ABCA5: variants seen among roughly 807,000 people sequenced by gnomAD.
ABCA5 encodes the protein ATP binding cassette subfamily A member 5.
Under a neutral mutation model 206.0 loss-of-function variants are expected in ABCA5, and 163 were observed. The ratio of observed to expected loss-of-function variants is 0.79; its 90% CI spans 0.70 to 0.90. The LOEUF (loss-of-function observed/expected upper bound fraction) is 0.90. Ranked by LOEUF, ABCA5 falls within the 40% of genes least tolerant of loss-of-function variation. The probability of loss-of-function intolerance (pLI) is 0.00; values close to 1 mark genes in which losing one functional copy is unlikely to be tolerated. For synonymous variants in ABCA5, 609 were observed against 613.8 expected (o/e 0.99, Z 0.11); for missense variants, 1,859 against 1,912.9 (o/e 0.97, Z 0.53).
Position 69,285,937 on chromosome 17 carries a change from C to T in ABCA5, c.2233G>A (p.Val745Met). ...ATGTCCTTGAAAGGCAAGCTATACA[C>T]AAGTTGTTGGTCATTCTGTTGTAAT... ...TLLQQNDQQLVYSLPFKDMDK... is the reference protein window; with the variant it reads ...TLLQQNDQQLMYSLPFKDMDK... Residue 745 changes from valine to methionine, a missense_variant, in exon 17 of 39, where the codon GTG becomes ATG. Physicochemically the swap from Val to Met is conservative, Grantham distance 21 (BLOSUM62 1). Coordinates refer to ENST00000392676, the MANE Select transcript of ABCA5 (RefSeq NM_172232.4). The T allele has an allele frequency of 6.2e-7, 1 of 1,613,070 alleles. No homozygotes were observed. The highest frequency in any genetic ancestry group is 8.5e-7 in the Non-Finnish European group (1 of 1,179,478).
At chr17:69,256,085 C>T in intron 29 of ABCA5, 72 bp downstream of exon 29, 3 of 1,452,576 alleles carry the variant, frequency 2.1e-6, no homozygotes, top group Non-Finnish European at 1.8e-6. Context: ...AAATATTTTT[C>T]AGATTAATTT....
At chr17:69,293,170 C>CACACAA (rs1483912304) in intron 11 of ABCA5, among the ~76,000 whole-genome samples, 1 of 151,894 alleles carries the variant, frequency 6.6e-6, no homozygotes. Flanking sequence ...AGAATACACA[C>CACACAA]ACACACACAC....
rs564785556 is a variant in ABCA5, at chr17:69,250,712, T to C, written c.4536-91A>G. ...CATATAACTACATTTTAAAAAAATATACCTTTATATTTAGAGAAAAATTAC... is the reference window on the plus strand; with the variant it reads ...CATATAACTACATTTTAAAAAAATACACCTTTATATTTAGAGAAAAATTAC... On this transcript the variant is annotated intron_variant, in intron 35 of 38. Coordinates refer to ENST00000392676, the MANE Select transcript of ABCA5 (RefSeq NM_172232.4). 3,066 of 913,820 alleles carry C rather than the reference T, an allele frequency of 3.4e-3. 12 individuals carry two copies. Among genetic ancestry groups the C allele is most frequent in the Non-Finnish European group, 4.4e-3 (2,838 of 642,440 alleles). The allele number at this position is 913,820 out of a possible 1,614,324, so 56.6% of individuals were successfully genotyped here.
intron 18 of ABCA5, among the ~76,000 whole-genome samples, chr17:69,278,638 T>C (rs1034019922): frequency 6.6e-6 from 1 of 152,246 alleles, no homozygotes; most frequent in Non-Finnish European, 1.5e-5. Flanking sequence ...TTCAGTAGTG[T>C]GAATAAGGTA....
chr17:69,310,010 T>A (rs1329212086), intron 3 of ABCA5, among the ~76,000 whole-genome samples: 2 of 152,234 alleles, frequency 1.3e-5, no homozygotes, highest in East Asian at 3.8e-4. Flanking sequence ...GCAGAACTCA[T>A]ATTTCTTCAA....
At chr17:69,265,608 A>T (rs2075199171) in intron 23 of ABCA5, among the ~76,000 whole-genome samples, 1 of 152,130 alleles carries the variant, frequency 6.6e-6, no homozygotes, top group Admixed American at 6.5e-5. Flanking sequence ...TCTACTCCTA[A>T]TAACTGAAGG....
chr17:69,258,727 G>T (rs1028835012), intron 28 of ABCA5, among the ~76,000 whole-genome samples: 4 of 151,890 alleles, frequency 2.6e-5, no homozygotes, highest in South Asian at 4.1e-4. Flanking sequence ...AATTTATATG[G>T]AATAAATATG....
intron 5 of ABCA5, among the ~76,000 whole-genome samples, chr17:69,307,799 C>T (rs575669157): frequency 3.3e-5 from 5 of 152,156 alleles, no homozygotes; most frequent in Admixed American, 3.3e-4. Flanking sequence ...GATTTTGATT[C>T]CAGCTCCATC....
At chr17:69,316,955 G>A (rs913730762) in intron 1 of ABCA5, 9 of 152,170 alleles carry the variant, frequency 5.9e-5, no homozygotes. Flanking sequence ...CAAAAGAAAT[G>A]AACATAAGGA....
intron 18 of ABCA5, 134 bp from the exon 19 acceptor site, chr17:69,277,976 G>GT: frequency 4.8e-6 from 3 of 622,722 alleles, no homozygotes; most frequent in Middle Eastern, 4.4e-4. Context: ...TATTCTGGCA[G>GT]TATCTATTAA....
intron 19 of ABCA5, among the ~76,000 whole-genome samples, chr17:69,276,085 T>G (rs912448208): frequency 5.8e-5 from 5 of 86,190 alleles, no homozygotes; most frequent in African/African-American, 1.8e-4. Flanking sequence ...AATTTTCTTT[T>G]TTTGGGGGGG....
rs557718033 is a variant in ABCA5, at chr17:69,254,641, G to A, written c.4069-151C>T. 110 of 529,160 alleles carry A rather than the reference G, an allele frequency of 2.1e-4. No homozygotes were observed. In the African/African-American group the frequency reaches 2.1e-3, roughly 10 times the overall value. The allele number at this position is 529,160 out of a possible 1,614,324, so 32.8% of individuals were successfully genotyped here. On this transcript the variant is annotated intron_variant, in intron 31 of 38. Coordinates refer to ENST00000392676, the MANE Select transcript of ABCA5 (RefSeq NM_172232.4). ...TTGTCATTATTATTATTATCACTAA[G>A]TAACTGAGACTACAAACATGTGCCA...
Position 69,289,887 on chromosome 17 carries a change from A to G in ABCA5, c.1757T>C (p.Ile586Thr). ...NLSILASIKG[I>T]PANNIIQEVQ... ...TTCTTGTATTATATTGTTGGCTGGT[A>G]TCCCTTTGATTGAAGCCAAAATTGA... is the stretch of plus-strand genomic sequence containing the variant. The change falls in exon 13 of 39, where the codon ATA becomes ACA. Residue 586 changes from isoleucine (I) to threonine (T), a missense_variant. Transcript: ENST00000392676. 6.2e-7 allele frequency: 1 copy of G among 1,610,362 alleles called. No homozygotes were observed. The highest frequency in any genetic ancestry group is 2.2e-5 in the East Asian group (1 of 44,678).
intron 2 of ABCA5, 72 bp downstream of exon 2, chr17:69,314,242 C>A: frequency 1.4e-6 from 1 of 699,566 alleles, no homozygotes; most frequent in Non-Finnish European, 2.2e-6. Flanking sequence ...CAAAATAAAT[C>A]ATCACTTCAA....
intron 2 of ABCA5, 44 bp from the exon 3 acceptor site, chr17:69,313,340 A>G (rs1355379190): frequency 1.1e-6 from 1 of 901,658 alleles, no homozygotes; most frequent in Non-Finnish European, 1.6e-6. Context: ...TAACAATGGC[A>G]GCAAAAATCA....
chr17:69,259,716 G>T lies in ABCA5; in HGVS notation c.3721C>A (p.Pro1241Thr), dbSNP rs780609690. The change falls in exon 28 of 39, where the codon CCC becomes ACC. Residue 1241 changes from proline (P) to threonine (T), a missense_variant. Coordinates refer to ENST00000392676, the MANE Select transcript of ABCA5 (RefSeq NM_172232.4). ...KYGGRSIRKD[P>T]FFRNLSTKSK... Reference sequence around the variant, plus strand: ...AAAAAATCAACTGACCTGAAAAAGGGATCTTTTCTTATTGATCTGCCTCCA... The same window carrying T: ...AAAAAATCAACTGACCTGAAAAAGGTATCTTTTCTTATTGATCTGCCTCCA... 6.3e-7 allele frequency: 1 copy of T among 1,599,884 alleles called. No individual in the cohort carries two copies. The highest frequency in any genetic ancestry group is 1.7e-5 in the Admixed American group (1 of 59,350).
chr17:69,246,820 G>A lies in ABCA5; in HGVS notation c.*717C>T, dbSNP rs997756964. 27 of 151,832 alleles carry A rather than the reference G, an allele frequency of 1.8e-4. No homozygotes were observed. Among genetic ancestry groups the A allele is most frequent in the African/African-American group, 6.5e-4 (27 of 41,426 alleles). 9.4% of individuals were successfully genotyped at this position (151,832 alleles called of 1,614,324 possible). On this transcript the variant is annotated 3_prime_UTR_variant, in exon 39 of 39. Coordinates refer to ENST00000392676, the MANE Select transcript of ABCA5 (RefSeq NM_172232.4). ...CAGAGTCAAAGAATCAGACTATTAC[G>A]TAAGATTCTACACACAGTCTTCCTT... is the stretch of plus-strand genomic sequence containing the variant.
chr17:69,322,288 C>T (rs1201804696), intron 1 of ABCA5, among the ~76,000 whole-genome samples: 3 of 142,670 alleles, frequency 2.1e-5, no homozygotes, highest in South Asian at 2.2e-4. Context: ...GAGAATCACT[C>T]GAACCCGGGA....
chr17:69,278,878 A>G (rs928158103), intron 18 of ABCA5, among the ~76,000 whole-genome samples: 9 of 151,834 alleles, frequency 5.9e-5, no homozygotes, highest in South Asian at 2.1e-4. Flanking sequence ...TATTGATGGG[A>G]CATATCTCAA....
Sources: gnomAD v4.1 joint callset for allele counts (sites outside exome capture counted in the v4.1 genomes callset) on GRCh38, gnomAD v4.1.1 for gene constraint, MANE v1.5 for transcripts, NCBI Gene and HGNC (gene_info 2026-07-23, HGNC 2026-07-21) for gene names.